The following AP1G1 variants were observed in gnomAD, a reference collection of about 807,000 sequenced individuals.
AP1G1 encodes AP-1 complex subunit gamma-1.
AP1G1 carries 7 observed loss-of-function variants against 108.3 expected under a neutral mutation model. The observed-to-expected ratio is 0.06, with a 90% CI of 0.04 to 0.12. The LOEUF (loss-of-function observed/expected upper bound fraction) is 0.12. AP1G1 is among the 10% of genes least tolerant of loss of function. AP1G1 has a pLI of 1.00. For synonymous variants in AP1G1, 379 were observed against 353.5 expected (o/e 1.07, Z -0.81); for missense variants, 756 against 1,010.7 (o/e 0.75, Z 3.42).
chr16:71,763,452 A>G (rs2031188317), intron 9 of AP1G1, among the ~76,000 whole-genome samples: 1 of 152,200 alleles, frequency 6.6e-6, no homozygotes, highest in African/African-American at 2.4e-5. Flanking sequence ...GTTACACAAC[A>G]AGATGAGTGT....
rs771747624 is a variant in AP1G1, at chr16:71,733,189, T to C, written c.2368-30A>G. 6.3e-5 allele frequency: 97 copies of C among 1,538,466 alleles called. 4 individuals carry two copies. In the South Asian group the frequency reaches 7.3e-4, roughly 12 times the overall value. On this transcript the variant is annotated intron_variant, in intron 22 of 22. Transcript: ENST00000299980. ...AAGAGGAAAAGAGAAGTGCAAATTA[T>C]ATACTGAAATGAAATCTCCAGAATC...
chr16:71,791,225 C>CAAAAAAAAA (rs397941817), intron 1 of AP1G1, among the ~76,000 whole-genome samples: 5 of 110,990 alleles, frequency 4.5e-5, no homozygotes, highest in Non-Finnish European at 4.0e-5. Flanking sequence ...CTCAAAAAAA[C>CAAAAAAAAA]AAAAAAAAAA....
intron 19 of AP1G1, 139 bp from the exon 20 acceptor site, chr16:71,739,480 G>C (rs1224615411): frequency 7.9e-6 from 5 of 629,754 alleles, no homozygotes; most frequent in South Asian, 2.6e-5. Context: ...ACCACAAAGA[G>C]AAAGAACTAA....
chr16:71,787,397 G>C (rs1372189947), intron 2 of AP1G1, among the ~76,000 whole-genome samples: 11 of 151,910 alleles, frequency 7.2e-5, no homozygotes, highest in Non-Finnish European at 1.6e-4. Flanking sequence ...GAGAGGCTGA[G>C]GTAGGAGAAC....
intron 1 of AP1G1, among the ~76,000 whole-genome samples, chr16:71,793,151 C>G (rs938443766): frequency 3.3e-5 from 5 of 152,090 alleles, no homozygotes; most frequent in African/African-American, 1.2e-4. Context: ...TGGGCGATGG[C>G]ACAAGATCCT....
chr16:71,808,475 AGAAAGTCAAGGGT>A (rs1370693998), intron 1 of AP1G1: 4 of 1,228,786 alleles, frequency 3.3e-6, no homozygotes, highest in Non-Finnish European at 4.2e-6. Context: ...TCGCAGCCTG[AGAAAGTCAAGGGT>A]TCAAGGAGGC....
intron 6 of AP1G1, among the ~76,000 whole-genome samples, chr16:71,768,819 G>A (rs1473175265): frequency 6.8e-6 from 1 of 147,872 alleles, no homozygotes; most frequent in Non-Finnish European, 1.5e-5. Context: ...GGAGGCTGAG[G>A]CAGCAGGAGA....
At chr16:71,756,627 T>C (rs574023819) in intron 11 of AP1G1, among the ~76,000 whole-genome samples, 1 of 152,246 alleles carries the variant, frequency 6.6e-6, no homozygotes, top group South Asian at 2.1e-4. Context: ...TGTCAAAAGG[T>C]ATGCAGAAAA....
In AP1G1 at chr16:71,774,569, G is replaced by C. The variant is rs750174369; in HGVS notation, c.225C>G (p.Ala75=). 1.4e-5 allele frequency: 23 copies of C among 1,589,528 alleles called. No homozygotes were observed. The highest frequency in any genetic ancestry group is 1.7e-4 in the Middle Eastern group (1 of 6,018). Residue 75 remains alanine, a synonymous_variant, in exon 3 of 23, where the codon GCC becomes GCG. Transcript: ENST00000299980. ...TGCGTTTGTCTGTAAATTTTTGAGA[G>C]GCAATAAGCTTGAGGCACTCCAACT... is the stretch of plus-strand genomic sequence containing the variant. ...FGQLECLKLI[A]SQKFTDKRIG...
rs1405779583 is a variant in AP1G1, at chr16:71,735,658, A to AC, written c.2269-952_2269-951insG. On this transcript the variant is annotated intron_variant, in intron 21 of 22. Coordinates refer to ENST00000299980, the MANE Select transcript of AP1G1 (RefSeq NM_001128.6). ...GCAACAGAGCAAGACTCCGTCTCAA[A>AC]AAAAAAAAAAAAGTGCTATATAGGG... Among the ~76,000 whole-genome samples the AC allele has an allele frequency of 1.1e-4, 17 of 151,220 alleles. No homozygotes were observed. In the South Asian group the frequency reaches 1.7e-3, roughly 15 times the overall value.
chr16:71,758,993 TAAAA>T (rs1461144603), intron 10 of AP1G1, 72 bp from the exon 11 acceptor site: 2 of 847,142 alleles, frequency 2.4e-6, no homozygotes, highest in Non-Finnish European at 1.9e-6. Flanking sequence ...GTTTAAATAA[TAAAA>T]AGAAAGACGT....
chr16:71,778,602 G>T (rs1461092316), intron 2 of AP1G1, among the ~76,000 whole-genome samples: 1 of 150,916 alleles, frequency 6.6e-6, no homozygotes, highest in South Asian at 2.1e-4. Context: ...AGAATCACTT[G>T]AAAGCAGGAG....
chr16:71,806,091 C>A (rs1000652390), intron 1 of AP1G1, among the ~76,000 whole-genome samples: 2 of 151,950 alleles, frequency 1.3e-5, no homozygotes, highest in Non-Finnish European at 2.9e-5. Context: ...TTGCATACCA[C>A]TGATTTTTAA....
At chr16:71,746,213 T>C (rs1307635908) in intron 17 of AP1G1, among the ~76,000 whole-genome samples, 2 of 152,202 alleles carry the variant, frequency 1.3e-5, no homozygotes, top group Non-Finnish European at 2.9e-5. Context: ...GGTTTCACCA[T>C]GTTGGCCAGG....
In AP1G1 at chr16:71,789,089, G is replaced by T. The variant is rs1281846619; in HGVS notation, c.201+190C>A. ...TCATCCGTATAATGAGACTCCCAGT[G>T]GAAAGGATAATTGATAGCAATATCA... On this transcript the variant is annotated intron_variant, in intron 2 of 22. Transcript: ENST00000299980. Among the ~76,000 whole-genome samples the T allele has an allele frequency of 2.0e-5, 3 of 152,178 alleles. No individual in the cohort carries two copies. In the East Asian group the frequency reaches 5.8e-4, roughly 29 times the overall value.
intron 5 of AP1G1, 124 bp downstream of exon 5, chr16:71,771,032 G>C: frequency 2.0e-6 from 1 of 504,334 alleles, no homozygotes; most frequent in South Asian, 3.8e-5. Flanking sequence ...TCCTGGAAAA[G>C]TGTCTAAGGC....
chr16:71,788,679 A>G (rs1165337271), intron 2 of AP1G1, among the ~76,000 whole-genome samples: 3 of 152,098 alleles, frequency 2.0e-5, no homozygotes, highest in Non-Finnish European at 4.4e-5. Context: ...AAAAAAAAAG[A>G]AATAGGATCT....
intron 9 of AP1G1, among the ~76,000 whole-genome samples, chr16:71,763,186 C>T (rs1166595710): frequency 2.6e-5 from 4 of 152,100 alleles, no homozygotes; most frequent in Admixed American, 2.0e-4. Flanking sequence ...CAGGGAGAGA[C>T]CCTGTCACTA....
At chr16:71,757,910 G>A (rs2030882679) in intron 11 of AP1G1, among the ~76,000 whole-genome samples, 1 of 152,206 alleles carries the variant, frequency 6.6e-6, no homozygotes, top group Non-Finnish European at 1.5e-5. Context: ...GGACTGAATT[G>A]TAACTAATCT....
Sources: allele counts gnomAD v4.1 joint callset (sites outside exome capture counted in the v4.1 genomes callset), GRCh38; gene constraint gnomAD v4.1.1; transcripts MANE v1.5; gene names NCBI Gene and HGNC (gene_info 2026-07-23, HGNC 2026-07-21).